Variants in CARD14 observed in about 807,000 individuals in gnomAD.
The protein encoded by CARD14 is caspase recruitment domain family member 14.
A neutral mutation model predicts 111.5 loss-of-function variants in CARD14; 107 were observed. The observed-to-expected ratio is 0.96, with a 90% confidence interval of 0.82 to 1.13. CARD14 has a LOEUF of 1.13. Among genes scored for constraint, CARD14 ranks in the 50% most tolerant of loss-of-function variants. CARD14 has a pLI of 0.00. For missense variants in CARD14, 1,322 were observed against 1,362.3 expected (o/e 0.97, Z 0.47); for synonymous variants, 617 against 579.6 (o/e 1.06, Z -0.93).
intron 12 of CARD14, among the ~76,000 whole-genome samples, chr17:80,194,327 C>T (rs2040634270): frequency 6.6e-6 from 1 of 152,194 alleles, no homozygotes; most frequent in Non-Finnish European, 1.5e-5. Context: ...CTCAGATGTA[C>T]ATCTGACACT....
chr17:80,184,265 C>G, intron 7 of CARD14, 27 bp downstream of exon 7: 2 of 1,469,362 alleles, frequency 1.4e-6, no homozygotes, highest in South Asian at 1.4e-5. Context: ...CACCCCGGCG[C>G]GACCCTGCTG....
At position 80,198,288 on chromosome 17, in the gene CARD14, A is replaced by G; in HGVS notation, c.1659-111A>G. ...CCTTTCCAAGCACATGGGGCCATGG[A>G]GGGGGAGGAGAATTCCAGAACACTG... On this transcript the variant is annotated intron_variant, in intron 15 of 23. Transcript: ENST00000648509. This position sits in a 1 kb window ranked among gnomAD's most constrained non-coding sequence, Gnocchi z 7.5. The G allele has an allele frequency of 6.4e-7, 1 of 1,563,448 alleles. No homozygotes were observed.
Position 80,201,455 on chromosome 17 carries a change from TTTTC to T in CARD14, c.1852-285_1852-282del, listed in dbSNP as rs2144417078. 2.5e-6 allele frequency: 1 copy of T among 408,014 alleles called. No individual in the cohort carries two copies. Among genetic ancestry groups the T allele is most frequent in the Non-Finnish European group, 4.5e-6 (1 of 224,512 alleles). 25.3% of individuals were successfully genotyped at this position (408,014 alleles called of 1,614,324 possible). ...AACCGAGGTTCTTTCTTTTCTTTTC[TTTTC>T]TTTTTCAAGACAGGAAAGTGCTTAT... On this transcript the variant is annotated intron_variant, in intron 16 of 23. Transcript: ENST00000648509. This position sits in a 1 kb window ranked among gnomAD's most constrained non-coding sequence, Gnocchi z 5.0.
At chr17:80,185,978 G>A (rs2040331933) in intron 7 of CARD14, among the ~76,000 whole-genome samples, 2 of 152,252 alleles carry the variant, frequency 1.3e-5, no homozygotes, top group African/African-American at 4.8e-5. Context: ...TTGTCAAGGT[G>A]CAGGCCAATT....
chr17:80,195,503 G>A lies in CARD14; in HGVS notation c.1500-55G>A, dbSNP rs2040679203. 6.4e-7 allele frequency: 1 copy of A among 1,553,586 alleles called. No homozygotes were observed. The highest frequency in any genetic ancestry group is 1.8e-5 in the Admixed American group (1 of 55,324). ...TGGGGGCCAGTGCTTGGGGCGTGGG[G>A]ACTCAGAGGGAGCAGGTGATGCAGT... On this transcript the variant is annotated intron_variant, in intron 13 of 23. Transcript: ENST00000648509. This position sits in a 1 kb window ranked among gnomAD's most constrained non-coding sequence, Gnocchi z 4.7.
chr17:80,205,793 A>G (rs2041267784), intron 22 of CARD14, 141 bp downstream of exon 22: 3 of 827,036 alleles, frequency 3.6e-6, no homozygotes, highest in Admixed American at 3.2e-5. Flanking sequence ...CCAACAGCCC[A>G]GCAGGAGCCC....
intron 20 of CARD14, chr17:80,204,733 G>A (rs1007845282): frequency 4.0e-5 from 17 of 421,214 alleles, no homozygotes; most frequent in Non-Finnish European, 6.3e-5. Context: ...AGATCCTTTG[G>A]AAGGAAGAAA....
At chr17:80,205,794 G>A in intron 22 of CARD14, 142 bp downstream of exon 22, 1 of 819,748 alleles carries the variant, frequency 1.2e-6, no homozygotes, top group Non-Finnish European at 1.8e-6. Context: ...CAACAGCCCA[G>A]CAGGAGCCCA....
intron 14 of CARD14, chr17:80,196,598 G>C (rs1028050318): frequency 6.6e-6 from 1 of 152,244 alleles, no homozygotes; most frequent in African/African-American, 2.4e-5. Context: ...GGAACTCTCA[G>C]GTCTCTGCTG....
rs1037309214 is a variant in CARD14, at chr17:80,204,295, G to A, written c.2352G>A (p.Leu784=). ...VSMDKAKASP[L]RLSFDRGQLD... is the part of the protein sequence containing the mutation. ...TGGACAAAGCCAAGGCCAGCCCTCT[G>A]CGTTTGTCCTTTGACAGGGGCCAGT... The change falls in exon 20 of 24, where the codon CTG becomes CTA. Residue 784 remains leucine, a synonymous_variant. Transcript: ENST00000648509. 8.8e-6 allele frequency: 14 copies of A among 1,598,996 alleles called. No homozygotes were observed. The highest frequency in any genetic ancestry group is 1.1e-5 in the Non-Finnish European group (13 of 1,169,364).
rs1598667880 is a variant in CARD14 at position 80,195,866 on chromosome 17, G to A, written c.1594+214G>A. The A allele has an allele frequency of 1.8e-6, 1 of 561,856 alleles. No homozygotes were observed. The highest frequency in any genetic ancestry group is 3.0e-5 in the East Asian group (1 of 32,878). The allele number at this position is 561,856 out of a possible 1,614,324, so 34.8% of individuals were successfully genotyped here. The stretch of plus-strand genomic sequence containing the variant: ...GCCAAAGGCCGGCTGCGCTCTGTCT[G>A]CTGGTGTCCTTGTGTTTTTCCCTAG... On this transcript the variant is annotated intron_variant, in intron 14 of 23. Transcript: ENST00000648509. This position sits in a 1 kb window ranked among gnomAD's most constrained non-coding sequence, Gnocchi z 4.7.
intron 16 of CARD14, among the ~76,000 whole-genome samples, chr17:80,199,165 A>G (rs2040840860): frequency 6.6e-6 from 1 of 151,988 alleles, no homozygotes; most frequent in Non-Finnish European, 1.5e-5. Context: ...TTGTTACGAA[A>G]CGCACAAAAC....
rs1220440053 is a variant in CARD14, at chr17:80,202,640, A to ATCTGGGTTTCTTAGC, written c.2219+237_2219+251dup. 7 of 1,393,286 alleles carry ATCTGGGTTTCTTAGC rather than the reference A, an allele frequency of 5.0e-6. No homozygotes were observed. In the African/African-American group the frequency reaches 1.0e-4, roughly 20 times the overall value. 86.3% of individuals were successfully genotyped at this position (1,393,286 alleles called of 1,614,324 possible). Reference sequence around the variant, plus strand: ...AAATGTTCATTCTAGAACATTCTAGATCTGGGTTTCTTAGCTCTGGGTTTC... The same window carrying ATCTGGGTTTCTTAGC: ...AAATGTTCATTCTAGAACATTCTAGATCTGGGTTTCTTAGCTCTGGGTTTCTTAGCTCTGGGTTTC... On this transcript the variant is annotated intron_variant, in intron 18 of 23. Coordinates refer to ENST00000648509, the MANE Select transcript of CARD14 (RefSeq NM_001366385.1).
chr17:80,177,751 C>G (rs1390994633), intron 2 of CARD14, among the ~76,000 whole-genome samples: 1 of 152,014 alleles, frequency 6.6e-6, no homozygotes, highest in African/African-American at 2.4e-5. Flanking sequence ...CACTGTGTTG[C>G]CCAGGCTGGT....
At chr17:80,197,134 T>A (rs1598671060) in intron 14 of CARD14, 1 of 151,718 alleles carries the variant, frequency 6.6e-6, no homozygotes, top group Non-Finnish European at 1.5e-5. Context: ...GAGGTGGAGG[T>A]TGCAGTGAGC....
intron 6 of CARD14, among the ~76,000 whole-genome samples, chr17:80,183,161 A>G (rs1196288618): frequency 4.6e-5 from 7 of 152,218 alleles, no homozygotes; most frequent in Admixed American, 2.6e-4. Context: ...GCCCAGCCTC[A>G]GCTCTTAGGA....
chr17:80,190,976 G>A lies in CARD14; in HGVS notation c.1089+77G>A, dbSNP rs568357961. Reference sequence around the variant, plus strand: ...GAGGGCTGGTTCCGGGGACAGTCTCGTGGCTCCCTGCCCTTGATGGCAGCT... The same window carrying A: ...GAGGGCTGGTTCCGGGGACAGTCTCATGGCTCCCTGCCCTTGATGGCAGCT... On this transcript the variant is annotated intron_variant, in intron 10 of 23. Coordinates refer to ENST00000648509, the MANE Select transcript of CARD14 (RefSeq NM_001366385.1). 298 of 1,550,234 alleles carry A rather than the reference G, an allele frequency of 1.9e-4. 2 individuals carry two copies. In the African/African-American group the frequency reaches 3.2e-3, roughly 16 times the overall value.
intron 10 of CARD14, 68 bp from the exon 11 acceptor site, chr17:80,191,255 T>C (rs2040517376): frequency 6.4e-7 from 1 of 1,563,464 alleles, no homozygotes; most frequent in African/African-American, 1.3e-5. Flanking sequence ...GAAACAGGGC[T>C]CTCCTTCTCT....
chr17:80,191,973 C>G (rs2040544606), intron 11 of CARD14, among the ~76,000 whole-genome samples: 1 of 152,198 alleles, frequency 6.6e-6, no homozygotes, highest in Non-Finnish European at 1.5e-5. Flanking sequence ...TCCAGGCCCC[C>G]GGGGAGGCAA....
Sources: allele counts gnomAD v4.1 joint callset (sites outside exome capture counted in the v4.1 genomes callset), GRCh38; gene constraint gnomAD v4.1.1; non-coding constraint Gnocchi (gnomAD v3.1); transcripts MANE v1.5; gene names NCBI Gene and HGNC (gene_info 2026-07-23, HGNC 2026-07-21).